The following RIOX2 variants were observed in gnomAD, a reference collection of about 807,000 sequenced individuals.
The protein encoded by RIOX2 is ribosomal oxygenase 2, also known as 60S ribosomal protein L27a histidine hydroxylase.
In RIOX2, 43 loss-of-function variants were observed where a neutral mutation model predicts 51.2. The ratio of observed to expected loss-of-function variants is 0.84; its 90% CI spans 0.66 to 1.08. The LOEUF is 1.08. Ranked by LOEUF, RIOX2 falls within the 50% of genes least tolerant of loss-of-function variation. The pLI is 0.00. For missense variants in RIOX2, 566 were observed against 561.7 expected (o/e 1.01, Z -0.08); for synonymous variants, 226 against 218.5 (o/e 1.03, Z -0.30).
intron 5 of RIOX2, among the ~76,000 whole-genome samples, chr3:97,953,424 A>G (rs1705323201): frequency 6.6e-6 from 1 of 151,544 alleles, no homozygotes; most frequent in Admixed American, 6.6e-5. Context: ...TCTGTCGCCC[A>G]GGCTGGAGTG....
Position 97,942,117 on chromosome 3 carries a change from G to C in RIOX2, c.*3067C>G. 2.2e-6 allele frequency: 1 copy of C among 462,484 alleles called. No individual in the cohort carries two copies. The highest frequency in any genetic ancestry group is 3.6e-6 in the Non-Finnish European group (1 of 275,148). 28.6% of individuals were successfully genotyped at this position (462,484 alleles called of 1,614,324 possible). A position where few individuals can be genotyped will look rare whatever the true frequency, so the allele number is the denominator to read the frequency against. ...ACCATCTCCTACCCACAGCCGTAAAGAAGACATTAAAAAAGGCTTACTGAA... is the reference window on the plus strand; with the variant it reads ...ACCATCTCCTACCCACAGCCGTAAACAAGACATTAAAAAAGGCTTACTGAA... On this transcript the variant is annotated 3_prime_UTR_variant, in exon 10 of 10. Transcript: ENST00000394198.
intron 5 of RIOX2, chr3:97,952,084 C>G (rs1288391224): frequency 3.2e-6 from 3 of 931,224 alleles, no homozygotes; most frequent in East Asian, 6.1e-5. Flanking sequence ...CAACAACATA[C>G]AGCAGACCCC....
Position 97,953,784 on chromosome 3 carries a change from G to A in RIOX2, c.785+608C>T, listed in dbSNP as rs1479141540. On this transcript the variant is annotated intron_variant, in intron 5 of 9. Coordinates refer to ENST00000394198, the MANE Select transcript of RIOX2 (RefSeq NM_153182.4). Reference sequence around the variant, plus strand: ...CCAGTGAGGAGGTACTAGCTGAAATGAACATGATTTTAATTGGAACTGCTG... The same window carrying A: ...CCAGTGAGGAGGTACTAGCTGAAATAAACATGATTTTAATTGGAACTGCTG... Among the ~76,000 whole-genome samples, 5 of 152,268 alleles carry A rather than the reference G, an allele frequency of 3.3e-5. No individual in the cohort carries two copies. The East Asian group carries it at 9.7e-4, about 29-fold the overall frequency.
In RIOX2 at chr3:97,967,156, G is replaced by T; in HGVS notation, c.432+6C>A. 6.2e-7 allele frequency: 1 copy of T among 1,610,274 alleles called. No individual in the cohort carries two copies. Among genetic ancestry groups the T allele is most frequent in the Non-Finnish European group, 8.5e-7 (1 of 1,177,956 alleles). ...ATGAGGATTCTGCAATGGGGAAACT[G>T]GTTACCTTAAATCTCTGAGGTTGGT... is the stretch of plus-strand genomic sequence containing the variant. On this transcript the variant is annotated splice_donor_region_variant and intron_variant, in intron 2 of 9. Transcript: ENST00000394198.
Position 97,942,735 on chromosome 3 carries a change from T to C in RIOX2, c.*2449A>G. ...ACCATAAACCATGAAATGAATGTCA[T>C]CTGTTTCTTAGAAACATCTCTAGCT... is the stretch of plus-strand genomic sequence containing the variant. On this transcript the variant is annotated 3_prime_UTR_variant, in exon 10 of 10. Transcript: ENST00000394198. The C allele has an allele frequency of 3.8e-6, 1 of 263,334 alleles. No homozygotes were observed. The highest frequency in any genetic ancestry group is 1.1e-4 in the South Asian group (1 of 9,390). 16.3% of individuals were successfully genotyped at this position (263,334 alleles called of 1,614,324 possible). A position where few individuals can be genotyped will look rare whatever the true frequency, so the allele number is the denominator to read the frequency against.
At chr3:97,954,761 A>C (rs1705392949) in intron 4 of RIOX2, among the ~76,000 whole-genome samples, 1 of 151,884 alleles carries the variant, frequency 6.6e-6, no homozygotes, top group Non-Finnish European at 1.5e-5. Context: ...CTGAGACTAG[A>C]CTCACCTGAG....
intron 1 of RIOX2, among the ~76,000 whole-genome samples, chr3:97,969,439 A>C (rs1706034900): frequency 6.6e-6 from 1 of 152,240 alleles, no homozygotes; most frequent in African/African-American, 2.4e-5. Flanking sequence ...CTTATGCAGA[A>C]GACGTTCCAT....
intron 2 of RIOX2, among the ~76,000 whole-genome samples, chr3:97,965,511 CAA>C (rs55974494): frequency 1.7e-4 from 17 of 100,536 alleles, no homozygotes; most frequent in Admixed American, 3.3e-4. Flanking sequence ...GACTCTGTCT[CAA>C]AAAAAAAAAA....
chr3:97,962,119 G>C (rs1402253001), intron 2 of RIOX2, among the ~76,000 whole-genome samples: 1 of 152,092 alleles, frequency 6.6e-6, no homozygotes, highest in Non-Finnish European at 1.5e-5. Context: ...GACTGGGGTG[G>C]TAAGAAAGGC....
intron 5 of RIOX2, chr3:97,952,365 A>G: frequency 1.8e-6 from 1 of 567,828 alleles, no homozygotes; most frequent in Non-Finnish European, 2.9e-6. Context: ...CCCCAGCTGA[A>G]AAGAGAAGAA....
At chr3:97,961,210 G>T (rs1559762307) in intron 3 of RIOX2, among the ~76,000 whole-genome samples, 1 of 152,082 alleles carries the variant, frequency 6.6e-6, no homozygotes. Context: ...TACTGAAAAA[G>T]AACAAAATGA....
chr3:97,950,360 A>G (rs111568395), intron 6 of RIOX2, among the ~76,000 whole-genome samples: 1 of 152,178 alleles, frequency 6.6e-6, no homozygotes, highest in Non-Finnish European at 1.5e-5. Flanking sequence ...ACTCAGCTCT[A>G]ATCCACTCAT....
intron 5 of RIOX2, chr3:97,952,316 TA>T (rs1705283763): frequency 2.0e-6 from 2 of 1,022,798 alleles, no homozygotes; most frequent in Non-Finnish European, 2.7e-6. Flanking sequence ...CCCACAATCC[TA>T]AGCAGGCAAC....
chr3:97,965,130 A>G lies in RIOX2; in HGVS notation c.432+2032T>C, dbSNP rs151016323. Reference sequence around the variant, plus strand: ...ATGCCAAACCACCTTATAATATAGCACTTAGAATCCAGACTCTAGTGTAAG... The same window carrying G: ...ATGCCAAACCACCTTATAATATAGCGCTTAGAATCCAGACTCTAGTGTAAG... On this transcript the variant is annotated intron_variant, in intron 2 of 9. Transcript: ENST00000394198. 5.9e-4 allele frequency among the ~76,000 whole-genome samples: 89 copies of G among 150,246 alleles called. 1 individual carries two copies. The East Asian group carries it at 0.012, about 20-fold the overall frequency.
intron 2 of RIOX2, among the ~76,000 whole-genome samples, chr3:97,964,696 T>TAAAAAAAAAAAAAA (rs1159985029): frequency 1.7e-5 from 1 of 60,210 alleles, no homozygotes; most frequent in Non-Finnish European, 3.1e-5. Context: ...GACTCTGTCT[T>TAAAAAAAAAAAAAA]AAAAAAAAAA....
intron 3 of RIOX2, 152 bp downstream of exon 3, chr3:97,961,437 G>C (rs1051020047): frequency 1.2e-6 from 1 of 807,628 alleles, no homozygotes; most frequent in African/African-American, 1.8e-5. Context: ...CCAACATTTT[G>C]ATGAAATCAA....
chr3:97,942,286 C>T lies in RIOX2; in HGVS notation c.*2898G>A. The T allele has an allele frequency of 6.2e-7, 1 of 1,604,216 alleles. No homozygotes were observed. Among genetic ancestry groups the T allele is most frequent in the Non-Finnish European group, 8.5e-7 (1 of 1,174,402 alleles). ...TAATCATTTCTTAACCCTTTTAGGC[C>T]AGTGATACATGTCTTGATGTGATTG... On this transcript the variant is annotated 3_prime_UTR_variant, in exon 10 of 10. Coordinates refer to ENST00000394198, the MANE Select transcript of RIOX2 (RefSeq NM_153182.4).
chr3:97,952,155 T>C, intron 5 of RIOX2: 1 of 1,288,630 alleles, frequency 7.8e-7, no homozygotes, highest in Non-Finnish European at 1.0e-6. Flanking sequence ...TATTCACCTT[T>C]ACATGGTACC....
chr3:97,968,354 G>A (rs1273287935), intron 1 of RIOX2, among the ~76,000 whole-genome samples: 1 of 152,136 alleles, frequency 6.6e-6, no homozygotes, highest in African/African-American at 2.4e-5. Flanking sequence ...TATATCTAAA[G>A]CCTTGAAAAA....
Sources: allele counts gnomAD v4.1 joint callset (sites outside exome capture counted in the v4.1 genomes callset), GRCh38; gene constraint gnomAD v4.1.1; transcripts MANE v1.5; gene names NCBI Gene and HGNC (gene_info 2026-07-23, HGNC 2026-07-21).